Variants in UCHL5 observed in about 807,000 individuals in gnomAD.
UCHL5 encodes the protein ubiquitin C-terminal hydrolase L5, also known as ubiquitin carboxyl-terminal hydrolase isozyme L5.
In UCHL5, 34 loss-of-function variants were observed where a neutral mutation model predicts 53.8. That is an observed-to-expected ratio of 0.63 (90% CI 0.48 to 0.84). The LOEUF is 0.84. Among genes scored for constraint, UCHL5 ranks in the 40% least tolerant of loss-of-function variants. The pLI is 0.00. For synonymous variants in UCHL5, 111 were observed against 126.3 expected, an observed-to-expected ratio of 0.88 and a Z score of 0.81; for missense variants, 290 against 385.6, an observed-to-expected ratio of 0.75 and a Z score of 2.08.
intron 10 of UCHL5, chr1:193,020,189 A>C: frequency 6.6e-6 from 9 of 1,370,746 alleles, no homozygotes; most frequent in Non-Finnish European, 8.5e-6. Context: ...AAGGTAATAT[A>C]CACAAAAAAC....
rs1441998534 is a variant in UCHL5, at chr1:193,016,227, C to T, written c.*124G>A. The T allele has an allele frequency of 1.9e-6, 2 of 1,035,358 alleles. No individual in the cohort carries two copies. The highest frequency in any genetic ancestry group is 1.4e-6 in the Non-Finnish European group (1 of 701,854). The allele number at this position is 1,035,358 out of a possible 1,614,324, so 64.1% of individuals were successfully genotyped here. A position where few individuals can be genotyped will look rare whatever the true frequency, so the allele number is the denominator to read the frequency against. On this transcript the variant is annotated 3_prime_UTR_variant, in exon 11 of 11. Transcript: ENST00000367454. ...ATGAATCCATGCATTAAAGACAAGA[C>T]AGGCTGGCACTATTGCCAAACGTGC...
upstream of UCHL5, chr1:193,059,361 G>A: frequency 6.2e-7 from 1 of 1,606,164 alleles, no homozygotes; most frequent in Middle Eastern, 1.7e-4. The surrounding 1 kb of genome is among the most constrained non-coding windows in gnomAD (Gnocchi z 4.9). Context: ...CGCCGAGCTC[G>A]TCAACCACAC....
At chr1:193,030,664 T>C (rs1362991888) in intron 3 of UCHL5, among the ~76,000 whole-genome samples, 13 of 152,222 alleles carry the variant, frequency 8.5e-5, no homozygotes, top group Admixed American at 8.5e-4. Flanking sequence ...ATTATGTTAC[T>C]ATATTGTAAT....
intron 9 of UCHL5, 111 bp downstream of exon 9, chr1:193,022,815 G>T: frequency 1.5e-6 from 1 of 679,732 alleles, no homozygotes; most frequent in Non-Finnish European, 2.5e-6. Flanking sequence ...CAAATTATTT[G>T]AAATCTGGTA....
At position 193,029,648 on chromosome 1, in the gene UCHL5, T is replaced by C. The variant is rs1660641513; in HGVS notation, c.256A>G (p.Asn86Asp). ...TIFFAKQVINNACATQAIVSV... is the reference protein window; with the variant it reads ...TIFFAKQVINDACATQAIVSV... ...ACTATGGCTTGAGTAGCACAAGCAT[T>C]ATTAATTACCTATAAAATATAAAAG... The change falls in exon 4 of 11, where the codon AAT becomes GAT. Residue 86 changes from asparagine (N) to aspartate (D), a missense_variant. Asn to Asp is a conservative substitution (Grantham distance 23, BLOSUM62 1). Coordinates refer to ENST00000367454, the MANE Select transcript of UCHL5 (RefSeq NM_001199261.3). 2 of 1,597,444 alleles carry C rather than the reference T, an allele frequency of 1.3e-6. No homozygotes were observed. Among genetic ancestry groups the C allele is most frequent in the Non-Finnish European group, 1.7e-6 (2 of 1,174,510 alleles).
intron 1 of UCHL5, among the ~76,000 whole-genome samples, chr1:193,054,267 C>T (rs994218380): frequency 2.0e-5 from 3 of 152,170 alleles, no homozygotes; most frequent in Admixed American, 1.3e-4. Flanking sequence ...GTGGAGTTCT[C>T]CCAAACTGTT....
At chr1:193,049,940 C>A in intron 2 of UCHL5, 89 bp from the exon 3 acceptor site, 1 of 1,099,494 alleles carries the variant, frequency 9.1e-7, no homozygotes, top group Non-Finnish European at 1.3e-6. Context: ...AGTTATCTAA[C>A]AAATATAATA....
chr1:193,039,821 A>G (rs1030705427), intron 3 of UCHL5, among the ~76,000 whole-genome samples: 1 of 152,240 alleles, frequency 6.6e-6, no homozygotes, highest in Non-Finnish European at 1.5e-5. Flanking sequence ...GGAACAGAAT[A>G]GAGAATCCAG....
chr1:193,060,071 G>T, upstream of UCHL5: 1 of 1,305,432 alleles, frequency 7.7e-7, no homozygotes, highest in Non-Finnish European at 1.0e-6. Context: ...GGCCGACGTC[G>T]AGAGGGCCTG....
At chr1:193,050,831 G>A (rs1161482867) in intron 2 of UCHL5, among the ~76,000 whole-genome samples, 1 of 151,900 alleles carries the variant, frequency 6.6e-6, no homozygotes, top group African/African-American at 2.4e-5. Context: ...TATGTTGCCT[G>A]GGCTAGACTT....
chr1:193,020,357 G>A (rs1315026931), intron 10 of UCHL5: 1 of 1,548,254 alleles, frequency 6.5e-7, no homozygotes, highest in Non-Finnish European at 8.7e-7. Context: ...TTGCCTAGTA[G>A]TGTCTTCTCA....
chr1:193,058,984 T>A (rs1449670702), intron 1 of UCHL5, among the ~76,000 whole-genome samples: 1 of 152,212 alleles, frequency 6.6e-6, no homozygotes, highest in African/African-American at 2.4e-5. Context: ...CCTCGTGGTG[T>A]GGCTCTACAA....
rs1018287392 is a variant in UCHL5 at position 193,015,548 on chromosome 1, A to G, written c.*803T>C. On this transcript the variant is annotated 3_prime_UTR_variant, in exon 11 of 11. Transcript: ENST00000367454. ...CCCCCATCACCACTACCATCTTTTT[A>G]AAAAAGCAGATAACATGAACTGTCA... The G allele has an allele frequency of 3.3e-5, 5 of 152,028 alleles. No individual in the cohort carries two copies. Among genetic ancestry groups the G allele is most frequent in the African/African-American group, 1.2e-4 (5 of 41,434 alleles). 9.4% of individuals were successfully genotyped at this position (152,028 alleles called of 1,614,324 possible).
chr1:193,036,317 CAAAAAAAAAAAAAAA>C (rs960496083), intron 3 of UCHL5, among the ~76,000 whole-genome samples: 4 of 50,796 alleles, frequency 7.9e-5, no homozygotes, highest in African/African-American at 3.6e-4. Flanking sequence ...AACTGGAAAC[CAAAAAAAAAAAAAAA>C]AAAAAAAAAA....
intron 7 of UCHL5, among the ~76,000 whole-genome samples, chr1:193,027,058 G>C (rs2102411163): frequency 6.6e-6 from 1 of 152,258 alleles, no homozygotes; most frequent in Non-Finnish European, 1.5e-5. Context: ...TAGAATTAGG[G>C]ATTAAGAAGT....
chr1:193,027,942 G>A (rs1471260939), intron 7 of UCHL5, 143 bp downstream of exon 7: 2 of 1,480,000 alleles, frequency 1.4e-6, no homozygotes, highest in African/African-American at 1.4e-5. Context: ...GGGCAACATG[G>A]TGAAAACCCG....
At chr1:193,024,093 A>C in intron 7 of UCHL5, 147 bp from the exon 8 acceptor site, 1 of 650,880 alleles carries the variant, frequency 1.5e-6, no homozygotes, top group Non-Finnish European at 2.5e-6. Flanking sequence ...CACTTTTAAA[A>C]AGCTTTCAGG....
chr1:193,020,686 T>G (rs2102295868), intron 10 of UCHL5, among the ~76,000 whole-genome samples: 1 of 152,080 alleles, frequency 6.6e-6, no homozygotes, highest in South Asian at 2.1e-4. Flanking sequence ...AAAACCTATT[T>G]CGTAGTACAG....
chr1:193,049,515 T>C (rs1668363985), intron 3 of UCHL5: 1 of 352,074 alleles, frequency 2.8e-6, no homozygotes, highest in Non-Finnish European at 5.1e-6. Context: ...TAAATATTAT[T>C]AAAATGTTTC....
Sources: allele counts gnomAD v4.1 joint callset (sites outside exome capture counted in the v4.1 genomes callset), GRCh38; gene constraint gnomAD v4.1.1; non-coding constraint Gnocchi (gnomAD v3.1); transcripts MANE v1.5; gene names NCBI Gene and HGNC (gene_info 2026-07-23, HGNC 2026-07-21).